RNF144A: variants seen among roughly 807,000 people sequenced by gnomAD.
RNF144A encodes E3 ubiquitin-protein ligase RNF144A.
Under a neutral mutation model 38.7 loss-of-function variants are expected in RNF144A, and 11 were observed. The observed-to-expected ratio is 0.28, with a 90% CI of 0.18 to 0.47. The LOEUF is 0.47. Ranked by LOEUF, RNF144A falls within the 20% of genes least tolerant of loss-of-function variation. RNF144A has a pLI of 0.99. For missense variants in RNF144A, 316 were observed against 377.2 expected, an observed-to-expected ratio of 0.84 and a Z score of 1.34; for synonymous variants, 149 against 143.9, an observed-to-expected ratio of 1.04 and a Z score of -0.25.
At chr2:6,940,308 T>G (rs550141390) in intron 1 of RNF144A, among the ~76,000 whole-genome samples, 7 of 152,294 alleles carry the variant, frequency 4.6e-5, no homozygotes, top group African/African-American at 1.7e-4. Context: ...AAGTTGTTTC[T>G]AAGTATTCTT....
chr2:6,988,754 C>A (rs892634122), intron 2 of RNF144A, among the ~76,000 whole-genome samples: 1 of 152,018 alleles, frequency 6.6e-6, no homozygotes, highest in Non-Finnish European at 1.5e-5. Flanking sequence ...CTCTACAGCC[C>A]ACTTCAGAAT....
intron 6 of RNF144A, among the ~76,000 whole-genome samples, chr2:7,059,462 A>T (rs913105088): frequency 6.6e-6 from 1 of 152,112 alleles, no homozygotes; most frequent in African/African-American, 2.4e-5. Flanking sequence ...CCTCCCACCC[A>T]CTTCCTGAGT....
At chr2:6,961,675 C>T (rs1037289666) in intron 2 of RNF144A, among the ~76,000 whole-genome samples, 11 of 152,244 alleles carry the variant, frequency 7.2e-5, no homozygotes, top group African/African-American at 2.7e-4. Context: ...ATGTCTGGCA[C>T]ATGACTTTGA....
At chr2:7,029,243 A>G (rs1209840447) in intron 7 of RNF144A, among the ~76,000 whole-genome samples, 1 of 152,196 alleles carries the variant, frequency 6.6e-6, no homozygotes, top group Non-Finnish European at 1.5e-5. Context: ...GTGCCTCGTC[A>G]TTTCCTTCAT....
rs748838454 is a variant in RNF144A at position 7,041,087 on chromosome 2, A to C, written c.*1327A>C. 3.6e-5 allele frequency: 35 copies of C among 983,562 alleles called. No homozygotes were observed. The highest frequency in any genetic ancestry group is 4.0e-5 in the Non-Finnish European group (33 of 828,340). The allele number at this position is 983,562 out of a possible 1,614,324, so 60.9% of individuals were successfully genotyped here. ...CTAAAAGCCACAGGTGCTTTTACAA[A>C]GCAAACTGCATTGAATTTAAAACTT... On this transcript the variant is annotated 3_prime_UTR_variant, in exon 9 of 9. Transcript: ENST00000320892.
intron 6 of RNF144A, among the ~76,000 whole-genome samples, chr2:7,023,723 G>A (rs188132864): frequency 2.8e-4 from 42 of 152,284 alleles, no homozygotes; most frequent in African/African-American, 9.4e-4. Flanking sequence ...CTTGGCACAC[G>A]GAATCTTTTC....
chr2:7,012,100 C>CTCTCAGGAT, intron 3 of RNF144A, among the ~76,000 whole-genome samples: 1 of 152,192 alleles, frequency 6.6e-6, no homozygotes. Context: ...GAGTCTTCAG[C>CTCTCAGGAT]ATCGTATATT....
chr2:6,973,388 C>T (rs998549163), intron 2 of RNF144A, among the ~76,000 whole-genome samples: 3 of 152,230 alleles, frequency 2.0e-5, no homozygotes, highest in African/African-American at 7.2e-5. Flanking sequence ...ATTGTACTGC[C>T]TCCATTTCTC....
chr2:6,976,539 T>G (rs936589651), intron 2 of RNF144A, among the ~76,000 whole-genome samples: 7 of 150,704 alleles, frequency 4.6e-5, no homozygotes, highest in Non-Finnish European at 8.9e-5. Context: ...TTCTTTGGTT[T>G]GCAGAAGGTT....
chr2:7,008,068 A>T (rs185179019), intron 3 of RNF144A, among the ~76,000 whole-genome samples: 20 of 152,282 alleles, frequency 1.3e-4, no homozygotes, highest in African/African-American at 4.8e-4. Flanking sequence ...GTGGTTGGCG[A>T]GGGGGAGGAA....
chr2:6,998,254 C>T (rs566517428), intron 3 of RNF144A, among the ~76,000 whole-genome samples: 9 of 151,628 alleles, frequency 5.9e-5, no homozygotes, highest in African/African-American at 1.9e-4. Flanking sequence ...TTTTCGAATG[C>T]CTGGATTATA....
chr2:6,956,980 C>G lies in RNF144A; in HGVS notation c.-12+15833C>G, dbSNP rs1437015934. Among the ~76,000 whole-genome samples, 5 of 152,322 alleles carry G rather than the reference C, an allele frequency of 3.3e-5. No individual in the cohort carries two copies. In the East Asian group the frequency reaches 9.7e-4, roughly 29 times the overall value. On this transcript the variant is annotated intron_variant, in intron 2 of 8. Coordinates refer to ENST00000320892, the MANE Select transcript of RNF144A (RefSeq NM_014746.6). ...GTTCTCAGGGCATCAGGAGCAAAGT[C>G]TGGACTCTTCCTGAACGTGTGAGGA...
chr2:6,971,407 A>G (rs1667993334), intron 2 of RNF144A, among the ~76,000 whole-genome samples: 1 of 152,238 alleles, frequency 6.6e-6, no homozygotes, highest in African/African-American at 2.4e-5. Flanking sequence ...CATATCTGCC[A>G]GAAGGATATT....
intron 6 of RNF144A, among the ~76,000 whole-genome samples, chr2:7,066,416 A>G (rs1674226953): frequency 6.6e-6 from 1 of 152,196 alleles, no homozygotes; most frequent in African/African-American, 2.4e-5. Flanking sequence ...TAAGCTATCT[A>G]TAGCTTAGAA....
At chr2:6,996,732 G>C in intron 2 of RNF144A, 184 bp from the exon 3 acceptor site, 1 of 585,204 alleles carries the variant, frequency 1.7e-6, no homozygotes, top group Non-Finnish European at 3.0e-6. Flanking sequence ...CAACCTGGAC[G>C]ACAGAGCGAG....
At chr2:7,068,338 G>C, downstream of RNF144A, 1 of 921,188 alleles carries the variant, frequency 1.1e-6, no homozygotes, top group African/African-American at 1.7e-5. Context: ...CATTTGGGTA[G>C]TGGCACCGTG....
chr2:7,013,607 A>T (rs309327), intron 3 of RNF144A, among the ~76,000 whole-genome samples: 90,928 of 152,070 alleles, frequency 0.6, 27,808 homozygotes, highest in Non-Finnish European at 0.65. Context: ...TAAGCTCTAC[A>T]TCTAGTTTCT....
chr2:7,001,367 A>G (rs1055218607), intron 3 of RNF144A, among the ~76,000 whole-genome samples: 1 of 151,688 alleles, frequency 6.6e-6, no homozygotes, highest in Non-Finnish European at 1.5e-5. Context: ...AAATTAAAAT[A>G]AATAAAAAAA....
downstream of RNF144A, among the ~76,000 whole-genome samples, chr2:7,073,047 C>T (rs1458075950): frequency 6.6e-6 from 1 of 152,174 alleles, no homozygotes; most frequent in Non-Finnish European, 1.5e-5. Context: ...ACCACTTCTC[C>T]AGCCTCACCT....
Sources: gnomAD v4.1 joint callset for allele counts (sites outside exome capture counted in the v4.1 genomes callset) on GRCh38, gnomAD v4.1.1 for gene constraint, MANE v1.5 for transcripts, NCBI Gene and HGNC (gene_info 2026-07-23, HGNC 2026-07-21) for gene names.